COL27A1: variants seen among roughly 807,000 people sequenced by gnomAD.
COL27A1 encodes collagen type XXVII alpha 1 chain, also known as collagen alpha-1(XXVII) chain.
In COL27A1, 106 loss-of-function variants were observed where a neutral mutation model predicts 251.3. That is an observed-to-expected ratio of 0.42 (90% CI 0.36 to 0.50). The LOEUF (loss-of-function observed/expected upper bound fraction) is 0.50. Among genes scored for constraint, COL27A1 ranks in the 20% least tolerant of loss-of-function variants. The probability of loss-of-function intolerance (pLI) is 0.00; values close to 1 mark genes in which losing one functional copy is unlikely to be tolerated. For synonymous variants in COL27A1, 1,000 were observed against 986.3 expected, an observed-to-expected ratio of 1.01 and a Z score of -0.26; for missense variants, 2,325 against 2,522.8, an observed-to-expected ratio of 0.92 and a Z score of 1.68.
At chr9:114,157,521 C>T (rs1848203603) in intron 1 of COL27A1, among the ~76,000 whole-genome samples, 1 of 152,254 alleles carries the variant, frequency 6.6e-6, no homozygotes, top group African/African-American at 2.4e-5. Context: ...CGCTGCGGAC[C>T]CTCAGCAGCC....
chr9:114,156,274 G>A (rs1848117415), intron 1 of COL27A1, among the ~76,000 whole-genome samples: 1 of 150,820 alleles, frequency 6.6e-6, no homozygotes, highest in Non-Finnish European at 1.5e-5. Flanking sequence ...CCCGGGGGTC[G>A]GGGGTGGGGG....
chr9:114,289,579 A>G (rs1223398850), intron 45 of COL27A1, among the ~76,000 whole-genome samples: 1 of 152,152 alleles, frequency 6.6e-6, no homozygotes, highest in Non-Finnish European at 1.5e-5. Flanking sequence ...ACCACACTGT[A>G]GAGAGAAAAC....
At chr9:114,182,194 TAATAAAAATAATAAAATAAA>T (rs1564439228) in intron 4 of COL27A1, among the ~76,000 whole-genome samples, 4 of 147,356 alleles carry the variant, frequency 2.7e-5, no homozygotes, top group African/African-American at 4.9e-5. Flanking sequence ...AATAATAAAA[TAATAAAAATAATAAAATAAA>T]AATAATAATA....
At chr9:114,192,664 G>A (rs992450930) in intron 5 of COL27A1, among the ~76,000 whole-genome samples, 1 of 152,180 alleles carries the variant, frequency 6.6e-6, no homozygotes, top group Non-Finnish European at 1.5e-5. Context: ...AGCCCAGGCT[G>A]GGACTTGGCC....
intron 11 of COL27A1, among the ~76,000 whole-genome samples, chr9:114,210,190 T>C (rs1015759090): frequency 6.6e-6 from 1 of 152,236 alleles, no homozygotes; most frequent in African/African-American, 2.4e-5. Context: ...TGTCTGTTTT[T>C]GCAAACAGTT....
intron 15 of COL27A1, among the ~76,000 whole-genome samples, chr9:114,231,353 C>T (rs1163541812): frequency 6.6e-6 from 1 of 152,184 alleles, no homozygotes; most frequent in Non-Finnish European, 1.5e-5. Flanking sequence ...ACATCCTCCT[C>T]TAGCTGAGCA....
chr9:114,286,000 G>T (rs1446422862), intron 41 of COL27A1, among the ~76,000 whole-genome samples: 1 of 152,224 alleles, frequency 6.6e-6, no homozygotes, highest in African/African-American at 2.4e-5. Flanking sequence ...AGGTCAAGGT[G>T]GGGGCAGAAC....
chr9:114,283,809 C>T, intron 40 of COL27A1, 47 bp downstream of exon 40: 1 of 1,594,888 alleles, frequency 6.3e-7, no homozygotes, highest in Non-Finnish European at 8.6e-7. Context: ...GTCCTGCAGG[C>T]CTGGAAACAC....
chr9:114,170,961 C>T (rs1380072243), intron 3 of COL27A1, among the ~76,000 whole-genome samples: 1 of 152,222 alleles, frequency 6.6e-6, no homozygotes, highest in Non-Finnish European at 1.5e-5. Context: ...CCACACAGCA[C>T]AACCCAGCCC....
chr9:114,260,162 C>G (rs1834216365), intron 28 of COL27A1, among the ~76,000 whole-genome samples: 1 of 152,250 alleles, frequency 6.6e-6, no homozygotes, highest in African/African-American at 2.4e-5. Flanking sequence ...CCCCCTTCAA[C>G]TCACTGGGCT....
At chr9:114,154,933 G>A (rs1848035424), upstream of COL27A1, among the ~76,000 whole-genome samples, 3 of 152,234 alleles carry the variant, frequency 2.0e-5, no homozygotes, top group African/African-American at 4.8e-5. This position sits in a 1 kb window ranked among gnomAD's most constrained non-coding sequence, Gnocchi z 5.8. Flanking sequence ...CTTAGCTCCC[G>A]GATGGGATCC....
rs775104920 is a variant in COL27A1, at chr9:114,245,923, C to G, written c.2979+13C>G. On this transcript the variant is annotated intron_variant, in intron 24 of 60. Coordinates refer to ENST00000356083, the MANE Select transcript of COL27A1 (RefSeq NM_032888.4). ...TGTGGGAGAGCAGGTTAGTTAGCAA[C>G]GGTCTCTGAATGAGTGGCTCCATTT... is the stretch of plus-strand genomic sequence containing the variant. 7 of 1,612,018 alleles carry G rather than the reference C, an allele frequency of 4.3e-6. No homozygotes were observed. The highest frequency in any genetic ancestry group is 5.9e-6 in the Non-Finnish European group (7 of 1,178,774).
At chr9:114,301,237 G>C in intron 52 of COL27A1, 47 bp from the exon 53 acceptor site, 1 of 1,610,124 alleles carries the variant, frequency 6.2e-7, no homozygotes, top group Admixed American at 1.7e-5. Flanking sequence ...TCTGGAAATG[G>C]GGCTTCACCT....
chr9:114,184,386 G>T (rs1425173826), intron 5 of COL27A1, among the ~76,000 whole-genome samples: 4 of 152,250 alleles, frequency 2.6e-5, no homozygotes, highest in Non-Finnish European at 4.4e-5. Flanking sequence ...AGCTTGTCTG[G>T]GAGCTTTGGA....
chr9:114,175,572 C>G (rs570243010), intron 3 of COL27A1, among the ~76,000 whole-genome samples: 1 of 152,318 alleles, frequency 6.6e-6, no homozygotes, highest in East Asian at 1.9e-4. Flanking sequence ...GGGGCCGCCC[C>G]GTCAAGGAGT....
At chr9:114,308,665 A>C (rs1829233596) in intron 59 of COL27A1, among the ~76,000 whole-genome samples, 1 of 152,190 alleles carries the variant, frequency 6.6e-6, no homozygotes, top group Admixed American at 6.5e-5. Context: ...TGCCTAGCAG[A>C]GGGGTGAGGC....
chr9:114,204,054 G>A (rs1829760829), intron 7 of COL27A1, among the ~76,000 whole-genome samples: 1 of 152,118 alleles, frequency 6.6e-6, no homozygotes, highest in Admixed American at 6.5e-5. Context: ...ACAGGTTTGA[G>A]CGTGCATGTG....
chr9:114,300,828 A>G (rs918418654), intron 51 of COL27A1, 141 bp downstream of exon 51: 10 of 765,212 alleles, frequency 1.3e-5, no homozygotes, highest in Admixed American at 6.5e-5. Flanking sequence ...TCCCACCTTC[A>G]CTCCTGCCGT....
chr9:114,282,923 C>A (rs753769703), intron 39 of COL27A1, among the ~76,000 whole-genome samples: 4 of 152,176 alleles, frequency 2.6e-5, no homozygotes, highest in Non-Finnish European at 5.9e-5. Flanking sequence ...AGATTTCCCA[C>A]TGGAAATAGA....
Sources: gnomAD v4.1 joint callset for allele counts (sites outside exome capture counted in the v4.1 genomes callset) on GRCh38, gnomAD v4.1.1 for gene constraint, Gnocchi (gnomAD v3.1) non-coding constraint, MANE v1.5 for transcripts, NCBI Gene and HGNC (gene_info 2026-07-23, HGNC 2026-07-21) for gene names.